Variants in DYNC2I1 observed in about 807,000 individuals in gnomAD.
The protein encoded by DYNC2I1 is cytoplasmic dynein 2 intermediate chain 1.
Under a neutral mutation model 133.4 loss-of-function variants are expected in DYNC2I1, and 89 were observed. That is an observed-to-expected ratio of 0.67 (90% CI 0.56 to 0.80). DYNC2I1 has a LOEUF of 0.80. Among genes scored for constraint, DYNC2I1 ranks in the 30% least tolerant of loss-of-function variants. The pLI, the probability that DYNC2I1 is intolerant of heterozygous loss-of-function variation, is 0.00. For missense variants in DYNC2I1, 1,291 were observed against 1,314.5 expected (o/e 0.98, Z 0.28); for synonymous variants, 504 against 484.3 (o/e 1.04, Z -0.54).
intron 24 of DYNC2I1, among the ~76,000 whole-genome samples, chr7:158,944,685 A>T (rs1563214922): frequency 6.6e-6 from 1 of 151,658 alleles, no homozygotes; most frequent in Non-Finnish European, 1.5e-5. Flanking sequence ...TGTGATTTTC[A>T]CCCCTGTAGT....
chr7:158,880,302 C>T (rs538178844), intron 5 of DYNC2I1, among the ~76,000 whole-genome samples: 1 of 152,042 alleles, frequency 6.6e-6, no homozygotes, highest in Non-Finnish European at 1.5e-5. Context: ...TTTGGGAGGC[C>T]GAGGTGGGTG....
intron 4 of DYNC2I1, among the ~76,000 whole-genome samples, chr7:158,955,384 G>C (rs1356548191): frequency 6.6e-6 from 1 of 152,222 alleles, no homozygotes; most frequent in Non-Finnish European, 1.5e-5. Flanking sequence ...GTCTGCATGG[G>C]GGCCAGAGCC....
intron 23 of DYNC2I1, among the ~76,000 whole-genome samples, chr7:158,936,134 T>G (rs1447803529): frequency 2.0e-5 from 3 of 152,198 alleles, no homozygotes; most frequent in Non-Finnish European, 4.4e-5. Flanking sequence ...GAGGTTGTGA[T>G]GAGCCGAGAT....
chr7:158,940,491 G>A (rs1251627904), intron 23 of DYNC2I1, among the ~76,000 whole-genome samples: 4 of 152,110 alleles, frequency 2.6e-5, no homozygotes, highest in African/African-American at 7.2e-5. Context: ...GACCAAATAG[G>A]CCTAACATTT....
intron 11 of DYNC2I1, among the ~76,000 whole-genome samples, chr7:158,907,755 T>G (rs1000378876): frequency 6.6e-6 from 1 of 152,048 alleles, no homozygotes; most frequent in Non-Finnish European, 1.5e-5. Context: ...ATTACAGGTG[T>G]GCACCACCAC....
chr7:158,935,614 A>G (rs184865350), intron 23 of DYNC2I1, among the ~76,000 whole-genome samples: 46 of 152,312 alleles, frequency 3.0e-4, no homozygotes, highest in African/African-American at 1.1e-3. Flanking sequence ...ATGGTATTTC[A>G]TGTATCTTTG....
At chr7:158,915,757 A>G (rs1848129960) in intron 14 of DYNC2I1, among the ~76,000 whole-genome samples, 1 of 145,486 alleles carries the variant, frequency 6.9e-6, no homozygotes, top group African/African-American at 2.6e-5. Context: ...TGATTGTGAA[A>G]CGTCTACACG....
chr7:158,906,122 T>G, intron 11 of DYNC2I1, 31 bp downstream of exon 11: 1 of 1,576,586 alleles, frequency 6.3e-7, no homozygotes, highest in South Asian at 1.1e-5. Context: ...GCCAAAGGTG[T>G]TCAGGGTTTT....
chr7:158,865,444 A>C (rs1842321880), intron 1 of DYNC2I1, among the ~76,000 whole-genome samples: 1 of 152,256 alleles, frequency 6.6e-6, no homozygotes, highest in Non-Finnish European at 1.5e-5. Flanking sequence ...TAAATCGAGC[A>C]TAAATCGAGG....
chr7:158,957,541 C>G (rs1033485155), downstream of DYNC2I1, among the ~76,000 whole-genome samples: 3 of 152,352 alleles, frequency 2.0e-5, no homozygotes, highest in East Asian at 3.9e-4. Context: ...AGCGCGGGCT[C>G]TACGCCGGGG....
chr7:158,882,082 A>C (rs1170077587), intron 5 of DYNC2I1, among the ~76,000 whole-genome samples: 1 of 152,236 alleles, frequency 6.6e-6, no homozygotes, highest in South Asian at 2.1e-4. Context: ...TTGTAAAACC[A>C]CTGCCTTCAA....
At chr7:158,850,622 C>A in the DYNC2I1 span, among the ~76,000 whole-genome samples, 1 of 152,216 alleles carries the variant, frequency 6.6e-6, no homozygotes, top group Non-Finnish European at 1.5e-5. Context: ...TTGCTCGGGA[C>A]AAATCCTCCA....
At chr7:158,913,794 C>T (rs1214149080) in intron 13 of DYNC2I1, among the ~76,000 whole-genome samples, 2 of 152,274 alleles carry the variant, frequency 1.3e-5, no homozygotes, top group African/African-American at 2.4e-5. Context: ...CTGTAACCTC[C>T]GCCTCTTGGG....
At position 158,930,442 on chromosome 7, in the gene DYNC2I1, C is replaced by T; in HGVS notation, c.2486-13C>T. The T allele has an allele frequency of 6.2e-7, 1 of 1,609,502 alleles. No individual in the cohort carries two copies. Among genetic ancestry groups the T allele is most frequent in the Non-Finnish European group, 8.5e-7 (1 of 1,177,892 alleles). On this transcript the variant is annotated splice_polypyrimidine_tract_variant and intron_variant, in intron 20 of 24. Transcript: ENST00000407559. The stretch of plus-strand genomic sequence containing the variant: ...ATTGAAAGGTGCATTGATTTTGGTT[C>T]ATCTCTTTTTAGGTCTGATGCCTGG...
downstream of DYNC2I1, among the ~76,000 whole-genome samples, chr7:158,948,573 G>C (rs1851957735): frequency 2.0e-5 from 2 of 101,554 alleles, no homozygotes; most frequent in Admixed American, 9.3e-5. Flanking sequence ...GGACACGGGA[G>C]GTGCTCAGTG....
the DYNC2I1 span, among the ~76,000 whole-genome samples, chr7:158,841,494 T>C: frequency 6.6e-6 from 1 of 152,078 alleles, no homozygotes; most frequent in Non-Finnish European, 1.5e-5. Context: ...ATTACAGGCG[T>C]AAGCCACCAC....
chr7:158,911,775 C>T (rs1169097262), intron 12 of DYNC2I1, 96 bp downstream of exon 12: 2 of 1,408,850 alleles, frequency 1.4e-6, no homozygotes, highest in African/African-American at 1.4e-5. Flanking sequence ...AATATTAGAA[C>T]TTGGGGATGG....
intron 10 of DYNC2I1, 127 bp from the exon 11 acceptor site, chr7:158,905,862 G>T (rs1363218700): frequency 3.0e-6 from 2 of 672,508 alleles, no homozygotes; most frequent in Non-Finnish European, 4.9e-6. Context: ...AAAGATGTTT[G>T]TCATTAGTTG....
the DYNC2I1 span, among the ~76,000 whole-genome samples, chr7:158,845,465 G>A: frequency 4.6e-5 from 7 of 152,138 alleles, no homozygotes; most frequent in African/African-American, 1.2e-4. Flanking sequence ...ATACTTAACC[G>A]TGCAGAATAC....
Sources: allele counts gnomAD v4.1 joint callset (sites outside exome capture counted in the v4.1 genomes callset), GRCh38; gene constraint gnomAD v4.1.1; transcripts MANE v1.5; gene names NCBI Gene and HGNC (gene_info 2026-07-23, HGNC 2026-07-21).